TNNI3K: variants seen among roughly 807,000 people sequenced by gnomAD.
The protein encoded by TNNI3K is TNNI3 interacting kinase.
In TNNI3K, 140 loss-of-function variants were observed where a neutral mutation model predicts 114.5. The ratio of observed to expected loss-of-function variants is 1.22; its 90% CI spans 1.07 to 1.41. The LOEUF is 1.41. TNNI3K is among the 40% of genes most tolerant of loss of function. The pLI, the probability that TNNI3K is intolerant of heterozygous loss-of-function variation, is 0.00. For missense variants in TNNI3K, 1,125 were observed against 1,007.6 expected, an observed-to-expected ratio of 1.12 and a Z score of -1.58; for synonymous variants, 347 against 347.5, an observed-to-expected ratio of 1.00 and a Z score of 0.02.
At chr1:74,289,828 A>C (rs1570424250) in intron 5 of TNNI3K, among the ~76,000 whole-genome samples, 1 of 151,946 alleles carries the variant, frequency 6.6e-6, no homozygotes, top group African/African-American at 2.4e-5. Context: ...TGGCAAACCA[A>C]ATGCATGACT....
chr1:74,344,997 A>G (rs1660925741), intron 9 of TNNI3K, among the ~76,000 whole-genome samples: 1 of 152,038 alleles, frequency 6.6e-6, no homozygotes, highest in Non-Finnish European at 1.5e-5. Context: ...ACAAATATAT[A>G]TGTATATATA....
chr1:74,455,468 G>C (rs1452724984), intron 20 of TNNI3K, among the ~76,000 whole-genome samples: 7 of 152,006 alleles, frequency 4.6e-5, no homozygotes, highest in Admixed American at 3.3e-4. Context: ...TACAAGTCAG[G>C]GTTCTCTAGA....
At chr1:74,301,255 C>A (rs1658314747) in intron 5 of TNNI3K, among the ~76,000 whole-genome samples, 1 of 151,942 alleles carries the variant, frequency 6.6e-6, no homozygotes, top group Admixed American at 6.6e-5. Context: ...CAAAACTTAG[C>A]CAGGCGTGGT....
chr1:74,301,911 G>A (rs1356247915), intron 5 of TNNI3K, among the ~76,000 whole-genome samples: 1 of 152,196 alleles, frequency 6.6e-6, no homozygotes, highest in East Asian at 1.9e-4. Context: ...ATGTGGAGGA[G>A]AGCCAACATG....
At chr1:74,449,814 T>G (rs919286173) in intron 20 of TNNI3K, among the ~76,000 whole-genome samples, 5 of 150,904 alleles carry the variant, frequency 3.3e-5, no homozygotes, top group Admixed American at 3.3e-4. Context: ...TGGGAGATTT[T>G]AACACCCCAC....
chr1:74,414,811 A>T (rs1268948894), intron 17 of TNNI3K, among the ~76,000 whole-genome samples: 1 of 152,120 alleles, frequency 6.6e-6, no homozygotes, highest in African/African-American at 2.4e-5. Flanking sequence ...ATCACTCTTA[A>T]TCACTCACCT....
intron 21 of TNNI3K, among the ~76,000 whole-genome samples, chr1:74,475,011 T>C (rs199680142): frequency 8.2e-4 from 117 of 142,780 alleles, no homozygotes; most frequent in African/African-American, 2.8e-3. Context: ...CTACTTTTTT[T>C]CTTTTTTTAA....
chr1:74,375,783 G>A, intron 17 of TNNI3K: 1 of 351,984 alleles, frequency 2.8e-6, no homozygotes, highest in East Asian at 7.5e-5. Flanking sequence ...ACTGATTTGA[G>A]TAATAATAAC....
At chr1:74,275,903 C>G (rs1393614994) in intron 5 of TNNI3K, among the ~76,000 whole-genome samples, 1 of 152,136 alleles carries the variant, frequency 6.6e-6, no homozygotes, top group East Asian at 1.9e-4. Context: ...ATTTCTCACT[C>G]TTTAAAGAAA....
At chr1:74,509,951 A>G (rs550831732) in intron 23 of TNNI3K, among the ~76,000 whole-genome samples, 1 of 151,922 alleles carries the variant, frequency 6.6e-6, no homozygotes, top group African/African-American at 2.4e-5. Context: ...ACAGGGTTTC[A>G]CCAAGTCACC....
chr1:74,459,503 C>T (rs1354975490), intron 20 of TNNI3K, among the ~76,000 whole-genome samples: 4 of 151,974 alleles, frequency 2.6e-5, no homozygotes, highest in African/African-American at 9.7e-5. Flanking sequence ...ACATTCCAGG[C>T]AAAAGGAATC....
intron 5 of TNNI3K, among the ~76,000 whole-genome samples, chr1:74,312,944 C>T (rs555985354): frequency 1.1e-4 from 17 of 152,298 alleles, no homozygotes; most frequent in Admixed American, 6.5e-4. Context: ...ATGCGGCCAC[C>T]TGAGCTCCCA....
At chr1:74,541,089 T>C (rs1262225997) in intron 24 of TNNI3K, among the ~76,000 whole-genome samples, 1 of 152,164 alleles carries the variant, frequency 6.6e-6, no homozygotes, top group African/African-American at 2.4e-5. Flanking sequence ...CAACTTCCTT[T>C]GACTATTTGA....
At chr1:74,427,215 T>C (rs1665681245) in intron 17 of TNNI3K, among the ~76,000 whole-genome samples, 2 of 151,992 alleles carry the variant, frequency 1.3e-5, no homozygotes, top group South Asian at 4.1e-4. Context: ...ATAGAGACTT[T>C]ATAATTTTTA....
At chr1:74,391,306 G>A (rs562516459) in intron 17 of TNNI3K, among the ~76,000 whole-genome samples, 2 of 152,178 alleles carry the variant, frequency 1.3e-5, no homozygotes, top group South Asian at 2.1e-4. Flanking sequence ...AGCTGAGAGA[G>A]CAGTTGGGAA....
At chr1:74,296,464 A>G (rs1438679594) in intron 5 of TNNI3K, among the ~76,000 whole-genome samples, 2 of 152,046 alleles carry the variant, frequency 1.3e-5, no homozygotes, top group African/African-American at 2.4e-5. Flanking sequence ...TTTTTAATAT[A>G]GACTATTTAT....
intron 7 of TNNI3K, among the ~76,000 whole-genome samples, chr1:74,337,742 C>T (rs1049603997): frequency 1.1e-4 from 17 of 151,890 alleles, no homozygotes; most frequent in African/African-American, 3.9e-4. Flanking sequence ...TAGACTTTAC[C>T]ACCAAAGGTA....
intron 7 of TNNI3K, among the ~76,000 whole-genome samples, chr1:74,339,406 T>C (rs1392915718): frequency 6.6e-6 from 1 of 152,258 alleles, no homozygotes; most frequent in Non-Finnish European, 1.5e-5. Flanking sequence ...CAATGGACAC[T>C]GTGCAGGACT....
intron 4 of TNNI3K, among the ~76,000 whole-genome samples, chr1:74,264,719 C>G (rs1655867774): frequency 6.6e-6 from 1 of 151,984 alleles, no homozygotes; most frequent in African/African-American, 2.4e-5. Flanking sequence ...TAGCCCAACT[C>G]TGTAACCCTG....
Sources: allele counts gnomAD v4.1 joint callset (sites outside exome capture counted in the v4.1 genomes callset), GRCh38; gene constraint gnomAD v4.1.1; transcripts MANE v1.5; gene names NCBI Gene and HGNC (gene_info 2026-07-23, HGNC 2026-07-21).